Variants in CPAP observed in about 807,000 individuals in gnomAD.
CPAP encodes the protein centrosome assembly and centriole elongation protein.
the CPAP span, among the ~76,000 whole-genome samples, chr13:24,887,463 T>G: frequency 1.3e-5 from 2 of 152,274 alleles, no homozygotes; most frequent in African/African-American, 4.8e-5. Flanking sequence ...TGGCATTAGA[T>G]TCTCATAGGA....
At chr13:24,928,968 G>A in the CPAP span, among the ~76,000 whole-genome samples, 1 of 152,192 alleles carries the variant, frequency 6.6e-6, no homozygotes, top group Non-Finnish European at 1.5e-5. Flanking sequence ...TAACTGCAGA[G>A]CAATACCATA....
chr13:24,918,495 C>T, the CPAP span, among the ~76,000 whole-genome samples: 1 of 152,148 alleles, frequency 6.6e-6, no homozygotes, highest in Admixed American at 6.5e-5. Flanking sequence ...CTGCTAATAG[C>T]CTACTGTTGA....
At chr13:24,912,629 A>C in the CPAP span, 1 of 1,613,664 alleles carries the variant, frequency 6.2e-7, no homozygotes, top group Non-Finnish European at 8.5e-7. Flanking sequence ...CCTTCTTTGA[A>C]TTCACTCGCA....
the CPAP span, chr13:24,910,065 T>C: frequency 1.2e-6 from 2 of 1,613,034 alleles, no homozygotes; most frequent in African/African-American, 2.7e-5. Context: ...CTGGCTCTGA[T>C]CATCAGGCAG....
the CPAP span, among the ~76,000 whole-genome samples, chr13:24,927,181 T>A: frequency 6.6e-6 from 1 of 152,200 alleles, no homozygotes; most frequent in South Asian, 2.1e-4. Flanking sequence ...TCTTTGGGAA[T>A]GGGACCTTAT....
At chr13:24,889,013 T>C in the CPAP span, among the ~76,000 whole-genome samples, 1 of 152,210 alleles carries the variant, frequency 6.6e-6, no homozygotes, top group Non-Finnish European at 1.5e-5. Flanking sequence ...AATGCTCCAA[T>C]GAATGTTTCC....
the CPAP span, among the ~76,000 whole-genome samples, chr13:24,904,558 C>G: frequency 6.6e-6 from 1 of 152,084 alleles, no homozygotes; most frequent in African/African-American, 2.4e-5. Context: ...ATGTGATCCA[C>G]AAGGCTAAAG....
At chr13:24,898,819 A>G in the CPAP span, among the ~76,000 whole-genome samples, 1 of 152,360 alleles carries the variant, frequency 6.6e-6, no homozygotes, top group South Asian at 2.1e-4. Context: ...TAGCCATTTT[A>G]AATTTCTCTT....
chr13:24,884,030 T>A, the CPAP span: 1 of 1,614,094 alleles, frequency 6.2e-7, no homozygotes, highest in Non-Finnish European at 8.5e-7. Flanking sequence ...AATAAGTTTT[T>A]AACAGTCTGG....
At chr13:24,928,666 G>A in the CPAP span, among the ~76,000 whole-genome samples, 16 of 152,152 alleles carry the variant, frequency 1.1e-4, no homozygotes, top group African/African-American at 3.6e-4. Flanking sequence ...CTGACCTCAG[G>A]TGATCTGCCC....
At chr13:24,908,070 T>G in the CPAP span, 1 of 1,613,206 alleles carries the variant, frequency 6.2e-7, no homozygotes. Context: ...TGTAAGTTCT[T>G]ATCATTTGCT....
the CPAP span, chr13:24,924,998 G>A: frequency 6.6e-6 from 1 of 152,192 alleles, no homozygotes; most frequent in Admixed American, 6.5e-5. Flanking sequence ...TCAATGAACA[G>A]GAGGTGTTTT....
At chr13:24,901,121 AG>A in the CPAP span, among the ~76,000 whole-genome samples, 1 of 152,182 alleles carries the variant, frequency 6.6e-6, no homozygotes, top group Non-Finnish European at 1.5e-5. Context: ...GCCTCACTGG[AG>A]GGAGAGCAGA....
chr13:24,905,540 A>G, the CPAP span: 1 of 1,614,182 alleles, frequency 6.2e-7, no homozygotes, highest in Non-Finnish European at 8.5e-7. Flanking sequence ...TTTGTCCAGG[A>G]TACCTATTTC....
chr13:24,902,846 C>G, the CPAP span, among the ~76,000 whole-genome samples: 2 of 152,144 alleles, frequency 1.3e-5, no homozygotes, highest in Non-Finnish European at 2.9e-5. Flanking sequence ...CAGCTACCAT[C>G]CCCTAGATCC....
the CPAP span, chr13:24,892,989 C>A: frequency 1.3e-6 from 1 of 770,870 alleles, no homozygotes; most frequent in Non-Finnish European, 2.2e-6. Flanking sequence ...GCTTAGTCAA[C>A]AGACGACATT....
At chr13:24,904,050 C>T in the CPAP span, 1 of 1,613,838 alleles carries the variant, frequency 6.2e-7, no homozygotes, top group South Asian at 1.1e-5. Context: ...TGGGATCGAG[C>T]ATTGTCACCT....
At chr13:24,889,687 GCA>G in the CPAP span, among the ~76,000 whole-genome samples, 1 of 152,138 alleles carries the variant, frequency 6.6e-6, no homozygotes, top group African/African-American at 2.4e-5. Context: ...CAGAGGAGGA[GCA>G]CACAGGCCCT....
the CPAP span, among the ~76,000 whole-genome samples, chr13:24,918,819 T>C: frequency 6.6e-6 from 1 of 152,128 alleles, no homozygotes; most frequent in East Asian, 1.9e-4. Context: ...AGAGAAAGGG[T>C]TGGTTTTGCT....
Sources: gnomAD v4.1 joint callset for allele counts (sites outside exome capture counted in the v4.1 genomes callset) on GRCh38, gnomAD v4.1.1 for gene constraint, MANE v1.5 for transcripts, NCBI Gene and HGNC (gene_info 2026-07-23, HGNC 2026-07-21) for gene names.